Variants in ITPR1 observed in about 807,000 individuals in gnomAD.
The protein encoded by ITPR1 is inositol 1,4,5-trisphosphate-gated calcium channel ITPR1.
ITPR1 carries 96 observed loss-of-function variants against 318.4 expected under a neutral mutation model. The ratio of observed to expected loss-of-function variants is 0.30; its 90% CI spans 0.26 to 0.36. The LOEUF is 0.36. ITPR1 is among the 10% of genes least tolerant of loss of function. The pLI is 1.00. For missense variants in ITPR1, 2,440 were observed against 3,460.2 expected, an observed-to-expected ratio of 0.71 and a Z score of 7.40; for synonymous variants, 1,312 against 1,289.9, an observed-to-expected ratio of 1.02 and a Z score of -0.37.
chr3:4,663,008 C>A, intron 15 of ITPR1, 57 bp from the exon 16 acceptor site: 4 of 1,540,738 alleles, frequency 2.6e-6, no homozygotes, highest in Non-Finnish European at 3.6e-6. Context: ...CAAGGCAAAG[C>A]TTCCAGCCTG....
rs190429402 is a variant in ITPR1 at position 4,590,703 on chromosome 3, A to G, written c.164-37060A>G. 2.5e-3 allele frequency among the ~76,000 whole-genome samples: 387 copies of G among 152,052 alleles called. 3 individuals are homozygous for G. Among genetic ancestry groups the G allele is most frequent in the African/African-American group, 8.2e-3 (339 of 41,490 alleles). On this transcript the variant is annotated intron_variant, in intron 4 of 61. Coordinates refer to ENST00000649015, the MANE Select transcript of ITPR1 (RefSeq NM_001378452.1). ...GGCATGTGCCAGCATGCCCAGCTCAACTTTGGTTTTTGTGTCTTTTTTTTA... is the reference window on the plus strand; with the variant it reads ...GGCATGTGCCAGCATGCCCAGCTCAGCTTTGGTTTTTGTGTCTTTTTTTTA...
At chr3:4,835,802 GGGA>G (rs1250327211) in intron 60 of ITPR1, among the ~76,000 whole-genome samples, 1 of 152,190 alleles carries the variant, frequency 6.6e-6, no homozygotes, top group Non-Finnish European at 1.5e-5. Context: ...GAAGTGAGGT[GGGA>G]GGAGGAGTTG....
At chr3:4,524,565 C>T (rs1353013920) in intron 4 of ITPR1, among the ~76,000 whole-genome samples, 2 of 152,138 alleles carry the variant, frequency 1.3e-5, no homozygotes, top group Non-Finnish European at 2.9e-5. Context: ...TTTATCTGAG[C>T]AATCAGCAGA....
intron 2 of ITPR1, among the ~76,000 whole-genome samples, chr3:4,500,863 T>C (rs985011300): frequency 6.6e-6 from 1 of 152,054 alleles, no homozygotes; most frequent in Non-Finnish European, 1.5e-5. Context: ...CTTTTTATTT[T>C]TAGTTTTTGA....
chr3:4,820,933 G>C (rs546998198), intron 60 of ITPR1, among the ~76,000 whole-genome samples: 4 of 152,300 alleles, frequency 2.6e-5, no homozygotes, highest in South Asian at 4.1e-4. Context: ...TCAGAGCTGC[G>C]GTGCAGAGGC....
In ITPR1 at chr3:4,732,348, C is replaced by T. The variant is rs148837708; in HGVS notation, c.5221-740C>T. On this transcript the variant is annotated intron_variant, in intron 42 of 61. Coordinates refer to ENST00000649015, the MANE Select transcript of ITPR1 (RefSeq NM_001378452.1). ...AGGAGTCAGAAAGGTTTTGAAACCC[C>T]TCATTCATAACTCTGCTTCAACAGC... 1.6e-4 allele frequency among the ~76,000 whole-genome samples: 24 copies of T among 152,270 alleles called. No homozygotes were observed. In the East Asian group the frequency reaches 4.6e-3, roughly 29 times the overall value.
At chr3:4,704,231 G>A (rs2125269161) in intron 36 of ITPR1, among the ~76,000 whole-genome samples, 1 of 152,270 alleles carries the variant, frequency 6.6e-6, no homozygotes, top group Non-Finnish European at 1.5e-5. Flanking sequence ...TGACCAACAT[G>A]GAGAAACCCC....
At chr3:4,632,974 C>A (rs1311987719) in intron 5 of ITPR1, among the ~76,000 whole-genome samples, 1 of 99,000 alleles carries the variant, frequency 1.0e-5, no homozygotes, top group African/African-American at 4.1e-5. Flanking sequence ...GGGTCTTGCT[C>A]TATTGCCAGG....
At chr3:4,584,389 C>T (rs1294269730) in intron 4 of ITPR1, among the ~76,000 whole-genome samples, 1 of 151,984 alleles carries the variant, frequency 6.6e-6, no homozygotes, top group Non-Finnish European at 1.5e-5. Context: ...AGCTTATATT[C>T]GTTTTGTGTC....
At chr3:4,844,503 A>C (rs548765585) in intron 61 of ITPR1, among the ~76,000 whole-genome samples, 7 of 152,202 alleles carry the variant, frequency 4.6e-5, no homozygotes, top group Non-Finnish European at 8.8e-5. Flanking sequence ...ATTCCCTCTC[A>C]AGGTTACCTG....
intron 2 of ITPR1, among the ~76,000 whole-genome samples, chr3:4,511,064 G>A (rs557177847): frequency 5.9e-5 from 9 of 152,166 alleles, no homozygotes; most frequent in South Asian, 2.1e-4. Context: ...GCCGTGAGCC[G>A]CTAGGAGCAA....
chr3:4,508,277 G>A (rs2081535205), intron 2 of ITPR1, among the ~76,000 whole-genome samples: 1 of 152,086 alleles, frequency 6.6e-6, no homozygotes, highest in African/African-American at 2.4e-5. Context: ...CAGGTCTGTG[G>A]TTTTGGGGTC....
intron 10 of ITPR1, among the ~76,000 whole-genome samples, chr3:4,650,632 TGTGTGTGTGTGTGCGC>T (rs1371046166): frequency 4.2e-5 from 6 of 143,038 alleles, no homozygotes; most frequent in South Asian, 2.2e-4. Context: ...TGTGTGTGTG[TGTGTGTGTGTGTGCGC>T]GCGTCTGTCT....
intron 42 of ITPR1, among the ~76,000 whole-genome samples, chr3:4,729,130 G>C (rs1469260254): frequency 6.6e-6 from 1 of 152,190 alleles, no homozygotes; most frequent in African/African-American, 2.4e-5. Context: ...ATGGAATGCT[G>C]CCTATGCCTG....
At chr3:4,605,049 G>A (rs2091602162) in intron 4 of ITPR1, among the ~76,000 whole-genome samples, 1 of 152,014 alleles carries the variant, frequency 6.6e-6, no homozygotes, top group Non-Finnish European at 1.5e-5. Context: ...TTGGCTCACT[G>A]CAACCTCCGC....
rs576056133 is a variant in ITPR1 at position 4,663,447 on chromosome 3, G to A, written c.1554+241G>A. Among the ~76,000 whole-genome samples the A allele has an allele frequency of 2.0e-5, 3 of 152,242 alleles. No homozygotes were observed. The South Asian group carries it at 6.2e-4, about 32-fold the overall frequency. Reference sequence around the variant, plus strand: ...ATCAATGGGATCATTGAGGGATATTGGTGATTCCCACCTCAAAGGCTTGAT... The same window carrying A: ...ATCAATGGGATCATTGAGGGATATTAGTGATTCCCACCTCAAAGGCTTGAT... On this transcript the variant is annotated intron_variant, in intron 16 of 61. Transcript: ENST00000649015.
chr3:4,658,246 C>T lies in ITPR1; in HGVS notation c.1119C>T (p.Thr373=). 6.2e-7 allele frequency: 1 copy of T among 1,613,134 alleles called. No homozygotes were observed. The highest frequency in any genetic ancestry group is 2.2e-5 in the East Asian group (1 of 44,836). The change falls in exon 13 of 62, where the codon ACC becomes ACT. Residue 373 remains threonine, a synonymous_variant. Coordinates refer to ENST00000649015, the MANE Select transcript of ITPR1 (RefSeq NM_001378452.1). ...CCTCCATTTTCGAGCTAGATCCCAC[C>T]ACTCTGCGTGGAGGTGACAGCCTTG... The part of the protein sequence containing the change: ...DISSIFELDP[T]TLRGGDSLVP...
chr3:4,584,515 T>C (rs1008350136), intron 4 of ITPR1, among the ~76,000 whole-genome samples: 1 of 150,876 alleles, frequency 6.6e-6, no homozygotes, highest in African/African-American at 2.4e-5. Context: ...GGAAGTGAGG[T>C]TGATGTAAGT....
intron 4 of ITPR1, among the ~76,000 whole-genome samples, chr3:4,545,115 A>G (rs1001193198): frequency 6.6e-6 from 1 of 152,134 alleles, no homozygotes; most frequent in Admixed American, 6.6e-5. Flanking sequence ...TCATGAATCA[A>G]AAGCTCCCTG....
Sources: allele counts gnomAD v4.1 joint callset (sites outside exome capture counted in the v4.1 genomes callset), GRCh38; gene constraint gnomAD v4.1.1; transcripts MANE v1.5; gene names NCBI Gene and HGNC (gene_info 2026-07-23, HGNC 2026-07-21).